Variants in KDM5D observed in about 807,000 individuals in gnomAD.
The protein encoded by KDM5D is lysine-specific demethylase 5D.
A neutral mutation model predicts 31.9 loss-of-function variants in KDM5D; 25 were observed. The ratio of observed to expected loss-of-function variants is 0.78; its 90% CI spans 0.57 to 1.09. The LOEUF is 1.09. Among genes scored for constraint, KDM5D ranks in the 50% least tolerant of loss-of-function variants. KDM5D has a pLI of 0.00. For missense variants in KDM5D, 366 were observed against 341.6 expected (o/e 1.07, Z -0.56); for synonymous variants, 146 against 122.3 (o/e 1.19, Z -1.28).
At chrY:19,737,611 T>C in intron 6 of KDM5D, among the ~76,000 whole-genome samples, 1 of 33,752 alleles carries the variant, frequency 3.0e-5, no homozygotes, top group African/African-American at 1.2e-4. Flanking sequence ...AAATACTTTT[T>C]AAAAGAGCTG....
Position 19,716,386 on chromosome Y carries a change from C to A in KDM5D, c.1924G>T (p.Ala642Ser). 1 of 397,423 alleles carries A rather than the reference C, an allele frequency of 2.5e-6. No individual in the cohort carries two copies. The highest frequency in any genetic ancestry group is 7.5e-5 in the Admixed American group (1 of 13,408). Residue 642 changes from alanine (A) to serine (S), a missense_variant, in exon 15 of 27, where the codon GCT (alanine) becomes TCT (serine). By Grantham distance (99) the Ala-to-Ser change is moderately conservative. Transcript: ENST00000317961. The stretch of plus-strand genomic sequence containing the variant: ...AGATCCAACGTCTCTGGGAAGGCAG[C>A]CATCTTGCAGATGAGCTCCTCGTGG... ...FSHEELICKM[A>S]AFPETLDLNL... is the part of the protein sequence containing the mutation.
At position 19,706,651 on chromosome Y, in the gene KDM5D, G is replaced by T; in HGVS notation, c.4070-11C>A. 2.5e-6 allele frequency: 1 copy of T among 396,968 alleles called. No homozygotes were observed. Among genetic ancestry groups the T allele is most frequent in the South Asian group, 3.0e-5 (1 of 33,598 alleles). On this transcript the variant is annotated splice_polypyrimidine_tract_variant and intron_variant, in intron 25 of 26. Coordinates refer to ENST00000317961, the MANE Select transcript of KDM5D (RefSeq NM_004653.5). ...ACAGTAGCTCCAGGTCTGGGCGGAA[G>T]GTGGTGCGGTGAAAGGTGCAGGGAC...
At chrY:19,710,073 T>A in intron 19 of KDM5D, 1 of 357,694 alleles carries the variant, frequency 2.8e-6, no homozygotes, top group Non-Finnish European at 3.8e-6. Flanking sequence ...TTTCTAAGAC[T>A]CTGGTGTCTG....
Position 19,709,447 on chromosome Y carries a change from C to T in KDM5D, c.2942+4G>A, listed in dbSNP as rs2045277452. On this transcript the variant is annotated splice_donor_region_variant and intron_variant, in intron 20 of 26. Coordinates refer to ENST00000317961, the MANE Select transcript of KDM5D (RefSeq NM_004653.5). ...GATACAGACAGGGAGAGACTACGCCCCACCTGGCCTCCAGGCAGAAATGAG... is the reference window on the plus strand; with the variant it reads ...GATACAGACAGGGAGAGACTACGCCTCACCTGGCCTCCAGGCAGAAATGAG... The T allele has an allele frequency of 2.5e-6, 1 of 396,839 alleles. No homozygotes were observed.
intron 11 of KDM5D, among the ~76,000 whole-genome samples, chrY:19,725,007 A>G (rs2045420585): frequency 1.5e-4 from 5 of 33,315 alleles, no homozygotes; most frequent in African/African-American, 5.9e-4. Flanking sequence ...TACAAGGGAT[A>G]TGAAAGACCT....
intron 24 of KDM5D, 54 bp from the exon 25 acceptor site, chrY:19,706,917 T>C: frequency 6.2e-6 from 2 of 324,240 alleles, no homozygotes; most frequent in South Asian, 6.5e-5. Flanking sequence ...CCAGGTCCTA[T>C]CTTTCCTCCC....
At chrY:19,740,535 AAAAC>A in intron 5 of KDM5D, among the ~76,000 whole-genome samples, 1 of 33,457 alleles carries the variant, frequency 3.0e-5, no homozygotes, top group Non-Finnish European at 7.4e-5. Context: ...CCTCAAAAAC[AAAAC>A]AAACAAACAA....
Position 19,708,955 on chromosome Y carries a change from C to T in KDM5D, c.3001G>A (p.Val1001Ile). Reference sequence around the variant, plus strand: ...AGAGCCTGGATGTTAGGCAGGTGAACAGGGATGTTTTCTGTCTCACGAATT... The same window carrying T: ...AGAGCCTGGATGTTAGGCAGGTGAATAGGGATGTTTTCTGTCTCACGAATT... ...AIIRETENIP[V>I]HLPNIQALKE... is the part of the protein sequence containing the mutation. Residue 1001 changes from valine (V) to isoleucine (I), a missense_variant, in exon 21 of 27, where the codon GTT becomes ATT. Physicochemically the swap from Val to Ile is conservative, Grantham distance 29. Coordinates refer to ENST00000317961, the MANE Select transcript of KDM5D (RefSeq NM_004653.5). The T allele has an allele frequency of 2.5e-6, 1 of 397,468 alleles. No homozygotes were observed. The highest frequency in any genetic ancestry group is 3.5e-6 in the Non-Finnish European group (1 of 282,135).
intron 18 of KDM5D, 167 bp downstream of exon 18, chrY:19,715,185 A>G: frequency 5.9e-6 from 1 of 169,162 alleles, no homozygotes; most frequent in Non-Finnish European, 1.1e-5. Flanking sequence ...CTTGCTGCCC[A>G]GGCTGGAGTG....
chrY:19,705,838 A>G lies in KDM5D; in HGVS notation c.*157T>C. The stretch of plus-strand genomic sequence containing the variant: ...CATCGGGGTGTGGACTTTACGAACC[A>G]ACCTTTTAACAGTAACTCTAGGAGA... On this transcript the variant is annotated 3_prime_UTR_variant, in exon 27 of 27. Transcript: ENST00000317961. The G allele has an allele frequency of 6.5e-6, 1 of 153,043 alleles. No individual in the cohort carries two copies. Among genetic ancestry groups the G allele is most frequent in the Non-Finnish European group, 1.2e-5 (1 of 82,416 alleles). 38.2% of individuals were successfully genotyped at this position (153,043 alleles called of 400,897 possible). A position where few individuals can be genotyped will look rare whatever the true frequency, so the allele number is the denominator to read the frequency against.
In KDM5D at chrY:19,710,481, G is replaced by A. The variant is rs1230138903; in HGVS notation, c.2487-9C>T. 3.0e-6 allele frequency: 1 copy of A among 327,941 alleles called. No homozygotes were observed. 81.8% of individuals were successfully genotyped at this position (327,941 alleles called of 400,897 possible). On this transcript the variant is annotated splice_polypyrimidine_tract_variant and intron_variant, in intron 18 of 26. Transcript: ENST00000317961. The stretch of plus-strand genomic sequence containing the variant: ...GCTGTGGAGTGTCCATCCTATAGGA[G>A]CCAGAAGGAACACCTCGTAATGTCA...
Position 19,708,414 on chromosome Y carries a change from G to A in KDM5D, c.3091C>T (p.His1031Tyr). Residue 1031 changes from histidine to tyrosine, a missense_variant, in exon 22 of 27, where the codon CAC becomes TAC. His to Tyr is a moderately conservative substitution (Grantham distance 83, BLOSUM62 2). Coordinates refer to ENST00000317961, the MANE Select transcript of KDM5D (RefSeq NM_004653.5). ...TCCAAGTCATCTAGACAGGGGTAGT[G>A]GTCACCATTCTGGAATAGGGGAAAG... Reference protein sequence around the residue: ...ADVDEIQNGDHYPCLDDLEGL... With the variant: ...ADVDEIQNGDYYPCLDDLEGL... 1 of 381,964 alleles carries A rather than the reference G, an allele frequency of 2.6e-6. No individual in the cohort carries two copies. The highest frequency in any genetic ancestry group is 3.7e-6 in the Non-Finnish European group (1 of 273,648).
At chrY:19,722,044 C>A (rs2045398895) in intron 11 of KDM5D, 1 of 33,188 alleles carries the variant, frequency 3.0e-5, no homozygotes, top group South Asian at 6.7e-4. Context: ...TATGGAACCC[C>A]AAAGACTCAA....
At chrY:19,735,309 T>C (rs1569367158) in intron 8 of KDM5D, 43 bp downstream of exon 8, 1 of 364,278 alleles carries the variant, frequency 2.7e-6, no homozygotes, top group Non-Finnish European at 4.0e-6. Context: ...CAATATAATC[T>C]TGACGGTTCA....
chrY:19,739,699 T>C, intron 5 of KDM5D, 37 bp from the exon 6 acceptor site: 1 of 330,244 alleles, frequency 3.0e-6, no homozygotes, highest in South Asian at 3.5e-5. Context: ...AGAAATTGAG[T>C]CATATTTGTA....
intron 18 of KDM5D, among the ~76,000 whole-genome samples, chrY:19,713,281 C>A (rs2045311237): frequency 3.0e-5 from 1 of 33,746 alleles, no homozygotes; most frequent in African/African-American, 1.2e-4. Context: ...AAAGCAACTG[C>A]GGCAAAAGCA....
In KDM5D at chrY:19,732,733, A is replaced by C. The variant is rs775246871; in HGVS notation, c.943T>G (p.Tyr315Asp). The change falls in exon 9 of 27, where the codon TAT (tyrosine) becomes GAT (aspartate). Residue 315 changes from tyrosine (Y) to aspartate (D), a missense_variant. Physicochemically the swap from Tyr to Asp is radical, Grantham distance 160 (BLOSUM62 -3). Transcript: ENST00000317961. ...CCACGGGAGCATACTTGGCAAATAT[A>C]TGAGTCAATCTACCAAAAAAAAAAA... is the stretch of plus-strand genomic sequence containing the variant. ...NHSSAQFIDS[Y>D]ICQVCSRGDE... The C allele has an allele frequency of 2.7e-6, 1 of 369,836 alleles. No homozygotes were observed. The highest frequency in any genetic ancestry group is 7.3e-5 in the African/African-American group (1 of 13,663). The allele number at this position is 369,836 out of a possible 400,897, so 92.3% of individuals were successfully genotyped here. A position where few individuals can be genotyped will look rare whatever the true frequency, so the allele number is the denominator to read the frequency against.
Position 19,719,031 on chromosome Y carries a change from G to A in KDM5D, c.1716+1841C>T, listed in dbSNP as rs888792691. On this transcript the variant is annotated intron_variant, in intron 13 of 26. Transcript: ENST00000317961. ...TAAAAATACAAAAAATTAGCCGGGC[G>A]TAGTGGCGGGCGCCTGTAGTCCCAG... 1.6e-4 allele frequency among the ~76,000 whole-genome samples: 5 copies of A among 30,771 alleles called. No individual in the cohort carries two copies. The East Asian group carries it at 3.4e-3, about 21-fold the overall frequency. 82.6% of individuals were successfully genotyped at this position (30,771 alleles called of 37,273 possible). A position where few individuals can be genotyped will look rare whatever the true frequency, so the allele number is the denominator to read the frequency against.
At chrY:19,718,051 G>T in intron 13 of KDM5D, among the ~76,000 whole-genome samples, 1 of 34,190 alleles carries the variant, frequency 2.9e-5, no homozygotes, top group African/African-American at 1.1e-4. Flanking sequence ...TACAAAAAGA[G>T]GTAGAAAATA....
Sources: allele counts gnomAD v4.1 joint callset (sites outside exome capture counted in the v4.1 genomes callset), GRCh38; gene constraint gnomAD v4.1.1; transcripts MANE v1.5; gene names NCBI Gene and HGNC (gene_info 2026-07-23, HGNC 2026-07-21).